Variants in PAPOLA observed in about 807,000 individuals in gnomAD.
PAPOLA encodes the protein poly(A) polymerase alpha.
In PAPOLA, 15 loss-of-function variants were observed where a neutral mutation model predicts 100.6. The observed-to-expected ratio is 0.15, with a 90% confidence interval of 0.10 to 0.23. The LOEUF is 0.23. PAPOLA is among the 10% of genes least tolerant of loss of function. The pLI, the probability that PAPOLA is intolerant of heterozygous loss-of-function variation, is 1.00. For synonymous variants in PAPOLA, 293 were observed against 300.0 expected, an observed-to-expected ratio of 0.98 and a Z score of 0.24; for missense variants, 533 against 884.2, an observed-to-expected ratio of 0.60 and a Z score of 5.04.
In PAPOLA at chr14:96,542,310, T is replaced by C. The variant is rs752181573; in HGVS notation, c.1169+14T>C. 8 of 1,556,270 alleles carry C rather than the reference T, an allele frequency of 5.1e-6. No individual in the cohort carries two copies. In the Admixed American group the frequency reaches 6.8e-5, roughly 13 times the overall value. On this transcript the variant is annotated intron_variant, in intron 13 of 21. Coordinates refer to ENST00000216277, the MANE Select transcript of PAPOLA (RefSeq NM_032632.5). ...ACGCCTGGAATGGTGAGTATAAGAA[T>C]AGACTTTACAGAAAAAGCAAACTTC...
intron 1 of PAPOLA, among the ~76,000 whole-genome samples, chr14:96,507,279 A>AGTTTT (rs1896782307): frequency 9.6e-6 from 1 of 104,668 alleles, no homozygotes; most frequent in African/African-American, 3.7e-5. Context: ...TTTGGAAAAT[A>AGTTTT]GTTTTTTTTT....
At chr14:96,532,815 T>A in intron 9 of PAPOLA, 166 bp downstream of exon 9, 1 of 1,340,220 alleles carries the variant, frequency 7.5e-7, no homozygotes, top group South Asian at 2.2e-5. Context: ...AAACTGAAAC[T>A]ATTTTTTTTC....
intron 1 of PAPOLA, among the ~76,000 whole-genome samples, chr14:96,514,892 G>A (rs963416119): frequency 6.6e-6 from 1 of 152,214 alleles, no homozygotes; most frequent in African/African-American, 2.4e-5. Context: ...AATACGACGA[G>A]TAGCAGAAGT....
At chr14:96,552,665 A>G (rs1900940351) in intron 17 of PAPOLA, 43 bp downstream of exon 17, 1 of 1,556,442 alleles carries the variant, frequency 6.4e-7, no homozygotes, top group South Asian at 1.1e-5. Context: ...GCTGTTTGCT[A>G]AATCAATCAG....
intron 3 of PAPOLA, among the ~76,000 whole-genome samples, chr14:96,522,412 C>A (rs1021501146): frequency 6.6e-6 from 1 of 151,580 alleles, no homozygotes; most frequent in Non-Finnish European, 1.5e-5. Context: ...AGGTACTGTT[C>A]TGTCCTCTTT....
chr14:96,548,424 G>T (rs1900564480), intron 16 of PAPOLA, among the ~76,000 whole-genome samples: 1 of 152,076 alleles, frequency 6.6e-6, no homozygotes, highest in African/African-American at 2.4e-5. Context: ...GCATTACATT[G>T]TTCTAGTGTT....
intron 19 of PAPOLA, 38 bp downstream of exon 19, chr14:96,556,451 C>CA (rs1901344119): frequency 8.1e-7 from 1 of 1,238,486 alleles, no homozygotes; most frequent in South Asian, 1.3e-5. Context: ...GCCATGGCAA[C>CA]ACCAACTGCC....
Position 96,563,926 on chromosome 14 carries a change from T to TA in PAPOLA, c.2143-1028dup, listed in dbSNP as rs552214595. On this transcript the variant is annotated intron_variant, in intron 21 of 21. Transcript: ENST00000216277. ...GGGACTTATTTTCATAGTTTTGTCT[T>TA]ACTGAATTTATCCCTATAGTAATTA... Among the ~76,000 whole-genome samples the TA allele has an allele frequency of 1.6e-4, 25 of 152,240 alleles. No homozygotes were observed. The South Asian group carries it at 5.2e-3, about 32-fold the overall frequency.
chr14:96,531,452 A>G (rs1424101137), intron 6 of PAPOLA, 23 bp from the exon 7 acceptor site: 2 of 1,555,796 alleles, frequency 1.3e-6, no homozygotes, highest in East Asian at 2.3e-5. Flanking sequence ...CAGATATGGA[A>G]TGTTGTTTTG....
In PAPOLA at chr14:96,534,214, G is replaced by C. The variant is rs1021728622; in HGVS notation, c.837-277G>C. 4 of 1,236,056 alleles carry C rather than the reference G, an allele frequency of 3.2e-6. No homozygotes were observed. In the African/African-American group the frequency reaches 4.6e-5, roughly 14 times the overall value. 76.6% of individuals were successfully genotyped at this position (1,236,056 alleles called of 1,614,324 possible). ...GTGGACACATCATTATCTTGGGATGGTACTTCTTTATTTAAATAGTCCTTT... is the reference window on the plus strand; with the variant it reads ...GTGGACACATCATTATCTTGGGATGCTACTTCTTTATTTAAATAGTCCTTT... On this transcript the variant is annotated intron_variant, in intron 9 of 21. Coordinates refer to ENST00000216277, the MANE Select transcript of PAPOLA (RefSeq NM_032632.5).
At chr14:96,556,121 T>C in intron 18 of PAPOLA, 54 bp from the exon 19 acceptor site, 1 of 1,421,094 alleles carries the variant, frequency 7.0e-7, no homozygotes, top group Non-Finnish European at 9.9e-7. Flanking sequence ...AACTTACAAC[T>C]TGATACTGAT....
intron 1 of PAPOLA, among the ~76,000 whole-genome samples, chr14:96,505,547 G>A (rs1427423641): frequency 6.6e-6 from 1 of 152,102 alleles, no homozygotes; most frequent in Non-Finnish European, 1.5e-5. Context: ...AAGAGTTACT[G>A]CAAGGTTTAG....
At chr14:96,510,333 A>G (rs183699449) in intron 1 of PAPOLA, among the ~76,000 whole-genome samples, 120 of 151,658 alleles carry the variant, frequency 7.9e-4, no homozygotes, top group Middle Eastern at 3.5e-3. Flanking sequence ...GTACTTTTTC[A>G]GGTCCTGTTT....
intron 9 of PAPOLA, 182 bp from the exon 10 acceptor site, chr14:96,534,308 AT>A: frequency 7.2e-7 from 1 of 1,386,162 alleles, no homozygotes; most frequent in Non-Finnish European, 9.3e-7. Flanking sequence ...GTTTAAGTTC[AT>A]TTCATAGTTA....
rs568948799 is a variant in PAPOLA, at chr14:96,530,960, T to C, written c.496-515T>C. 5.9e-5 allele frequency among the ~76,000 whole-genome samples: 9 copies of C among 152,050 alleles called. No individual in the cohort carries two copies. The South Asian group carries it at 1.9e-3, about 32-fold the overall frequency. ...CTCCCACAGGTGCATGGGAGGTCCA[T>C]AGCTGAGACCACAGGTGTGTGCCAC... On this transcript the variant is annotated intron_variant, in intron 6 of 21. Transcript: ENST00000216277.
At chr14:96,522,666 A>G (rs1486115334) in intron 3 of PAPOLA, among the ~76,000 whole-genome samples, 1 of 152,142 alleles carries the variant, frequency 6.6e-6, no homozygotes, top group Non-Finnish European at 1.5e-5. Context: ...TGGCTTCCCA[A>G]AGTGCCAGGA....
chr14:96,542,503 G>A (rs946766812), intron 13 of PAPOLA: 5 of 542,970 alleles, frequency 9.2e-6, no homozygotes, highest in African/African-American at 5.9e-5. Flanking sequence ...ATGGAGATCC[G>A]TGCATAATTT....
intron 1 of PAPOLA, among the ~76,000 whole-genome samples, chr14:96,515,829 A>G (rs1203550000): frequency 6.6e-6 from 1 of 152,236 alleles, no homozygotes; most frequent in Non-Finnish European, 1.5e-5. Context: ...AAAGTAGAAT[A>G]GTGTCTGAAG....
rs1336444130 is a variant in PAPOLA at position 96,505,217 on chromosome 14, T to C, written c.8+2617T>C. 2.0e-5 allele frequency among the ~76,000 whole-genome samples: 3 copies of C among 152,200 alleles called. No individual in the cohort carries two copies. The East Asian group carries it at 5.8e-4, about 29-fold the overall frequency. On this transcript the variant is annotated intron_variant, in intron 1 of 21. Coordinates refer to ENST00000216277, the MANE Select transcript of PAPOLA (RefSeq NM_032632.5). ...GGTGCCTGTCCTGTGTATTGTAGTT[T>C]AACAGCAGCCTTAGCTTCCACCTAC...
Sources: allele counts gnomAD v4.1 joint callset (sites outside exome capture counted in the v4.1 genomes callset), GRCh38; gene constraint gnomAD v4.1.1; transcripts MANE v1.5; gene names NCBI Gene and HGNC (gene_info 2026-07-23, HGNC 2026-07-21).